DCTN1: variants seen among roughly 807,000 people sequenced by gnomAD.
DCTN1 encodes 150 kDa dynein-associated polypeptide.
A neutral mutation model predicts 161.2 loss-of-function variants in DCTN1; 61 were observed. The ratio of observed to expected loss-of-function variants is 0.38; its 90% CI spans 0.31 to 0.47. The LOEUF (loss-of-function observed/expected upper bound fraction) is 0.47. DCTN1 is among the 20% of genes least tolerant of loss of function. DCTN1 has a pLI of 0.99. For synonymous variants in DCTN1, 653 were observed against 632.4 expected (o/e 1.03, Z -0.49); for missense variants, 1,404 against 1,623.7 (o/e 0.86, Z 2.33).
intron 7 of DCTN1, 150 bp from the exon 8 acceptor site, chr2:74,371,878 G>A: frequency 3.3e-6 from 2 of 612,368 alleles, no homozygotes; most frequent in Non-Finnish European, 2.8e-6. Context: ...GAGAAAAGAA[G>A]AATGAAGGGG....
In DCTN1 at chr2:74,370,911, GT is replaced by G. The variant is rs1354316046; in HGVS notation, c.843+67del. ...CAGTATGTTCCAGGCTCCAGCTCCAGTCTAGTTTCCAGCATGCTTCCTTAGG... is the reference window on the plus strand; with the variant it reads ...CAGTATGTTCCAGGCTCCAGCTCCAGCTAGTTTCCAGCATGCTTCCTTAGG... On this transcript the variant is annotated intron_variant, in intron 9 of 31. Transcript: ENST00000628224. This position sits in a 1 kb window ranked among gnomAD's most constrained non-coding sequence, Gnocchi z 4.4. 6.2e-7 allele frequency: 1 copy of G among 1,613,274 alleles called. No individual in the cohort carries two copies. The highest frequency in any genetic ancestry group is 1.3e-5 in the African/African-American group (1 of 74,916).
intron 5 of DCTN1, among the ~76,000 whole-genome samples, chr2:74,375,648 G>T (rs984299148): frequency 1.3e-5 from 2 of 152,164 alleles, no homozygotes; most frequent in Non-Finnish European, 1.5e-5. Flanking sequence ...GGCCTGAGGT[G>T]AAATGGAAGC....
chr2:74,391,681 CCT>C (rs1676008551), intron 1 of DCTN1: 1 of 400,352 alleles, frequency 2.5e-6, no homozygotes, highest in East Asian at 7.4e-5. Flanking sequence ...AGCGCCCACC[CCT>C]GCCAGTCCCC....
rs1346797162 is a variant in DCTN1, at chr2:74,378,228, C to A, written c.51G>T (p.Arg17Ser). ...HVYSRTPSGS[R>S]MSAEASARPL... The stretch of plus-strand genomic sequence containing the variant: ...GCCGGGCGCTTGCCTCCGCACTCAT[C>A]CTGCTGCCGCTGGGCGTCTGAAAGA... The change falls in exon 2 of 32, where the codon AGG becomes AGT. Residue 17 changes from arginine to serine, a missense_variant. Transcript: ENST00000628224. The A allele has an allele frequency of 6.2e-7, 1 of 1,609,590 alleles. No individual in the cohort carries two copies. The highest frequency in any genetic ancestry group is 1.7e-4 in the Middle Eastern group (1 of 5,880).
At position 74,369,271 on chromosome 2, in the gene DCTN1, T is replaced by C. The variant is rs776573098; in HGVS notation, c.1584+29A>G. 4 of 1,614,076 alleles carry C rather than the reference T, an allele frequency of 2.5e-6. No homozygotes were observed. The highest frequency in any genetic ancestry group is 3.4e-6 in the Non-Finnish European group (4 of 1,179,988). On this transcript the variant is annotated intron_variant, in intron 14 of 31. Coordinates refer to ENST00000628224, the MANE Select transcript of DCTN1 (RefSeq NM_004082.5). The surrounding 1 kb of genome is among the most constrained non-coding windows in gnomAD (Gnocchi z 4.9). ...TCATAAGGAAGCCCTGGGGTGATGGTGGGCAGAGAGCAAACAGTGGGCATG... is the reference window on the plus strand; with the variant it reads ...TCATAAGGAAGCCCTGGGGTGATGGCGGGCAGAGAGCAAACAGTGGGCATG...
chr2:74,362,927 G>A, intron 29 of DCTN1, 67 bp downstream of exon 29: 2 of 1,566,386 alleles, frequency 1.3e-6, no homozygotes, highest in South Asian at 1.2e-5. Context: ...CACCTGAGCA[G>A]GGGCTAAATC....
At chr2:74,385,373 G>C (rs1675682402) in intron 1 of DCTN1, 1 of 152,258 alleles carries the variant, frequency 6.6e-6, no homozygotes, top group African/African-American at 2.4e-5. Flanking sequence ...GGTATCAGAA[G>C]TCCTACTTAG....
Position 74,369,908 on chromosome 2 carries a change from GT to G in DCTN1, c.1392+56del. On this transcript the variant is annotated intron_variant, in intron 13 of 31. Coordinates refer to ENST00000628224, the MANE Select transcript of DCTN1 (RefSeq NM_004082.5). The surrounding 1 kb of genome is among the most constrained non-coding windows in gnomAD (Gnocchi z 4.9). ...CCTGCTCAAAGGCCAAGGGTCACAT[GT>G]CAATCTTTTTCTCAGCAGGTCCAAG... The G allele has an allele frequency of 6.4e-7, 1 of 1,566,406 alleles. No individual in the cohort carries two copies. The highest frequency in any genetic ancestry group is 8.8e-7 in the Non-Finnish European group (1 of 1,138,302).
chr2:74,363,366 T>C lies in DCTN1; in HGVS notation c.3273A>G (p.Pro1091=). 1 of 1,612,532 alleles carries C rather than the reference T, an allele frequency of 6.2e-7. No homozygotes were observed. The highest frequency in any genetic ancestry group is 8.5e-7 in the Non-Finnish European group (1 of 1,179,502). ...TGGCAGAGATCTGCTGAAGCAGCAG[T>C]GGTGAGTCCTTCACCAGCCCTGGGC... The part of the protein sequence containing the change: ...VPGPGLVKDS[P]LLLQQISAMR... The change falls in exon 28 of 32, where the codon CCA becomes CCG. Residue 1091 remains proline (P), a synonymous_variant. Transcript: ENST00000628224.
chr2:74,389,255 A>G (rs1317616775), intron 1 of DCTN1, among the ~76,000 whole-genome samples: 1 of 152,218 alleles, frequency 6.6e-6, no homozygotes, highest in Non-Finnish European at 1.5e-5. Flanking sequence ...AGCCAAAGTC[A>G]GAGTCTCCAG....
In DCTN1 at chr2:74,363,430, G is replaced by A. The variant is rs1330005029; in HGVS notation, c.3212-3C>T. 2 of 1,611,894 alleles carry A rather than the reference G, an allele frequency of 1.2e-6. No individual in the cohort carries two copies. The highest frequency in any genetic ancestry group is 3.3e-5 in the Admixed American group (2 of 59,906). On this transcript the variant is annotated splice_region_variant and splice_polypyrimidine_tract_variant and intron_variant, in intron 27 of 31. Transcript: ENST00000628224. ...TGGAGCCTGCCCAGGGATGGCTCCT[G>A]TGGGGACCATAAAAAATCTCATCAG...
At chr2:74,374,802 A>G (rs1038915397) in intron 5 of DCTN1, 2 of 1,022,168 alleles carry the variant, frequency 2.0e-6, no homozygotes, top group African/African-American at 3.4e-5. Flanking sequence ...AGTCATGCGC[A>G]GAGCTTGTCC....
At chr2:74,361,916 TA>T in intron 31 of DCTN1, 135 bp downstream of exon 31, 1 of 950,100 alleles carries the variant, frequency 1.1e-6, no homozygotes, top group Non-Finnish European at 1.7e-6. Flanking sequence ...TACTTGTAAG[TA>T]AAATTTGGCC....
Position 74,371,743 on chromosome 2 carries a change from T to C in DCTN1, c.454-15A>G. 1 of 1,602,946 alleles carries C rather than the reference T, an allele frequency of 6.2e-7. No homozygotes were observed. The highest frequency in any genetic ancestry group is 8.5e-7 in the Non-Finnish European group (1 of 1,176,252). Reference sequence around the variant, plus strand: ...GGGCGCGTGGGCTATTCAGAAAGGGTAGAGGCAGACCAGAAAGAAAGCAGA... The same window carrying C: ...GGGCGCGTGGGCTATTCAGAAAGGGCAGAGGCAGACCAGAAAGAAAGCAGA... On this transcript the variant is annotated splice_polypyrimidine_tract_variant and intron_variant, in intron 7 of 31. Coordinates refer to ENST00000628224, the MANE Select transcript of DCTN1 (RefSeq NM_004082.5).
intron 1 of DCTN1, among the ~76,000 whole-genome samples, chr2:74,378,720 C>G (rs1476262687): frequency 6.6e-6 from 1 of 152,174 alleles, no homozygotes; most frequent in Non-Finnish European, 1.5e-5. Context: ...CACTTGTCTC[C>G]TCTGTGTTTC....
chr2:74,374,216 C>G, intron 6 of DCTN1, 107 bp downstream of exon 6: 1 of 1,277,308 alleles, frequency 7.8e-7, no homozygotes, highest in Non-Finnish European at 1.1e-6. Context: ...CCCGCCTCCC[C>G]GACCAGGTAG....
At chr2:74,364,026 T>C (rs907253491) in intron 26 of DCTN1, 1 of 285,618 alleles carries the variant, frequency 3.5e-6, no homozygotes, top group Non-Finnish European at 6.8e-6. Flanking sequence ...AAAGCTTAAG[T>C]TGGGGATGCA....
Position 74,366,817 on chromosome 2 carries a change from G to C in DCTN1, c.2432C>G (p.Pro811Arg), listed in dbSNP as rs150928856. The stretch of plus-strand genomic sequence containing the variant: ...AAAGGCCAGTGCAGCTGGGATCCCA[G>C]GAGCATCTGTCCCTGGCATTCGCCT... ...IRRRMPGTDAPGIPAALAFGP... is the reference protein window; with the variant it reads ...IRRRMPGTDARGIPAALAFGP... The change falls in exon 21 of 32, where the codon CCT becomes CGT. Residue 811 changes from proline to arginine, a missense_variant. By Grantham distance (103) the Pro-to-Arg change is moderately radical (BLOSUM62 -2). This residue lies in a region of DCTN1 where 475 missense variants were observed against 489.8 expected (regional missense o/e 0.97). Transcript: ENST00000628224. 838 of 1,614,256 alleles carry C rather than the reference G, an allele frequency of 5.2e-4. 1 individual carries two copies. Among genetic ancestry groups the C allele is most frequent in the Non-Finnish European group, 4.4e-4 (519 of 1,180,048 alleles).
rs534277659 is a variant in DCTN1 at position 74,374,175 on chromosome 2, C to T, written c.432+148G>A. ...CAGGGTGTGGGGCATAGTGGTGACA[C>T]ACACCTCTCCCTAACCCACCTTCGT... On this transcript the variant is annotated intron_variant, in intron 6 of 31. Coordinates refer to ENST00000628224, the MANE Select transcript of DCTN1 (RefSeq NM_004082.5). 19 of 792,050 alleles carry T rather than the reference C, an allele frequency of 2.4e-5. 1 individual carries two copies. The South Asian group carries it at 2.8e-4, about 12-fold the overall frequency. 49.1% of individuals were successfully genotyped at this position (792,050 alleles called of 1,614,324 possible). A position where few individuals can be genotyped will look rare whatever the true frequency, so the allele number is the denominator to read the frequency against.
Sources: gnomAD v4.1 joint callset for allele counts (sites outside exome capture counted in the v4.1 genomes callset) on GRCh38, gnomAD v4.1.1 for gene constraint, gnomAD v4.1.1 regional missense constraint, Gnocchi (gnomAD v3.1) non-coding constraint, MANE v1.5 for transcripts, NCBI Gene and HGNC (gene_info 2026-07-23, HGNC 2026-07-21) for gene names.